The following KCNN3 variants were observed in gnomAD, a reference collection of about 807,000 sequenced individuals.
KCNN3 encodes the protein small conductance calcium-activated potassium channel protein 3.
In KCNN3, 16 loss-of-function variants were observed where a neutral mutation model predicts 62.9. That is an observed-to-expected ratio of 0.25 (90% CI 0.17 to 0.39). The LOEUF (loss-of-function observed/expected upper bound fraction) is 0.39, where lower values mean the gene tolerates loss of function less well. KCNN3 is among the 10% of genes least tolerant of loss of function. KCNN3 has a pLI of 1.00. For missense variants in KCNN3, 599 were observed against 949.4 expected (o/e 0.63, Z 4.85); for synonymous variants, 370 against 389.2 (o/e 0.95, Z 0.58).
In KCNN3 at chr1:154,708,109, AGC is replaced by A; in HGVS notation, c.2061_2062del (p.Gln687HisfsTer25). On this transcript the variant is annotated frameshift_variant, in exon 8 of 8. Coordinates refer to ENST00000271915, the MANE Select transcript of KCNN3 (RefSeq NM_002249.6). LOFTEE classifies it high-confidence loss of function. ...CCGGGCCTCGATGATGGCAGACAGG[AGC>A]TGCTGCTGCTGCTGGCGCAGGGTGT... 6.2e-7 allele frequency: 1 copy of A among 1,613,526 alleles called. No individual in the cohort carries two copies.
intron 2 of KCNN3, among the ~76,000 whole-genome samples, chr1:154,803,976 G>A (rs779378557): frequency 9.9e-5 from 15 of 152,256 alleles, no homozygotes; most frequent in Non-Finnish European, 1.8e-4. Context: ...TTAAGACCCC[G>A]TCTCCCCGTG....
At position 154,725,776 on chromosome 1, in the gene KCNN3, C is replaced by T. The variant is rs1700449662; in HGVS notation, c.1701+140G>A. On this transcript the variant is annotated intron_variant, in intron 5 of 7. Coordinates refer to ENST00000271915, the MANE Select transcript of KCNN3 (RefSeq NM_002249.6). ...GCCAGGATGGTCTTGATCTCCTGACCTTGTGATCGACCCTCCTCAGCCTCC... is the reference window on the plus strand; with the variant it reads ...GCCAGGATGGTCTTGATCTCCTGACTTTGTGATCGACCCTCCTCAGCCTCC... The T allele has an allele frequency of 5.8e-6, 4 of 692,782 alleles. No homozygotes were observed. The Admixed American group carries it at 6.1e-5, about 11-fold the overall frequency. The allele number at this position is 692,782 out of a possible 1,614,324, so 42.9% of individuals were successfully genotyped here.
chr1:154,817,542 T>C (rs1034115345), intron 2 of KCNN3, among the ~76,000 whole-genome samples: 1 of 152,224 alleles, frequency 6.6e-6, no homozygotes, highest in African/African-American at 2.4e-5. Context: ...TAAGAAGGAT[T>C]AAGTAACTTG....
At chr1:154,730,712 T>G (rs1700573666) in intron 4 of KCNN3, among the ~76,000 whole-genome samples, 1 of 151,796 alleles carries the variant, frequency 6.6e-6, no homozygotes, top group Non-Finnish European at 1.5e-5. Context: ...ATGCACAGGG[T>G]TTTGTACAAA....
chr1:154,837,865 G>A (rs2101908482), intron 1 of KCNN3, among the ~76,000 whole-genome samples: 1 of 152,342 alleles, frequency 6.6e-6, no homozygotes, highest in South Asian at 2.1e-4. Flanking sequence ...CCAAGGGGGT[G>A]AACTGTCTCA....
chr1:154,752,059 C>G (rs1159647845), intron 3 of KCNN3, among the ~76,000 whole-genome samples: 2 of 152,130 alleles, frequency 1.3e-5, no homozygotes, highest in Non-Finnish European at 2.9e-5. Context: ...GAGGAAAGTC[C>G]TCCGGGTGTT....
At chr1:154,763,477 A>G (rs990327407) in intron 3 of KCNN3, among the ~76,000 whole-genome samples, 1 of 152,142 alleles carries the variant, frequency 6.6e-6, no homozygotes, top group Non-Finnish European at 1.5e-5. Context: ...CCTAGGCTCA[A>G]GTGATCCTCC....
At chr1:154,741,757 G>A (rs1031046628) in intron 3 of KCNN3, among the ~76,000 whole-genome samples, 1 of 150,210 alleles carries the variant, frequency 6.7e-6, no homozygotes, top group Non-Finnish European at 1.5e-5. Flanking sequence ...TACATGATAT[G>A]ACGGCTCTAG....
chr1:154,809,757 C>T lies in KCNN3; in HGVS notation c.1029+12332G>A, dbSNP rs774988672. The stretch of plus-strand genomic sequence containing the variant: ...GTACAGTTCTCACCTAAAAAGCCAA[C>T]GGTATTAGGAAGGATGGGAGATTGA... On this transcript the variant is annotated intron_variant, in intron 2 of 7. Transcript: ENST00000271915. This position sits in a 1 kb window ranked among gnomAD's most constrained non-coding sequence, Gnocchi z 4.3. Among the ~76,000 whole-genome samples the T allele has an allele frequency of 2.6e-5, 4 of 152,060 alleles. No individual in the cohort carries two copies. Among genetic ancestry groups the T allele is most frequent in the Non-Finnish European group, 5.9e-5 (4 of 68,026 alleles).
chr1:154,824,686 C>T (rs115868148), intron 1 of KCNN3, among the ~76,000 whole-genome samples: 2,637 of 152,272 alleles, frequency 0.017, 67 homozygotes, highest in African/African-American at 0.06. Context: ...CATTTCAGCC[C>T]CTTATTTATT....
chr1:154,707,113 C>T lies in KCNN3; in HGVS notation c.*863G>A, dbSNP rs1021192103. 3 of 152,210 alleles carry T rather than the reference C, an allele frequency of 2.0e-5. No homozygotes were observed. Among genetic ancestry groups the T allele is most frequent in the African/African-American group, 7.2e-5 (3 of 41,456 alleles). The allele number at this position is 152,210 out of a possible 1,614,324, so 9.4% of individuals were successfully genotyped here. On this transcript the variant is annotated 3_prime_UTR_variant, in exon 8 of 8. Transcript: ENST00000271915. ...AATCAAGCAAGGTGCATATCCAGGA[C>T]AAAGCAATGTGCATTATGTCTGAAG...
chr1:154,707,829 G>T lies in KCNN3; in HGVS notation c.*147C>A. 1 of 909,266 alleles carries T rather than the reference G, an allele frequency of 1.1e-6. No homozygotes were observed. The highest frequency in any genetic ancestry group is 1.7e-6 in the Non-Finnish European group (1 of 594,026). The allele number at this position is 909,266 out of a possible 1,614,324, so 56.3% of individuals were successfully genotyped here. A position where few individuals can be genotyped will look rare whatever the true frequency, so the allele number is the denominator to read the frequency against. ...TTTCAAGGCATGTCGGACCAAGCAC[G>T]CTGAATGAACATGAGTTAGTTAATT... On this transcript the variant is annotated 3_prime_UTR_variant, in exon 8 of 8. Coordinates refer to ENST00000271915, the MANE Select transcript of KCNN3 (RefSeq NM_002249.6).
chr1:154,808,778 A>G (rs894243577), intron 2 of KCNN3, among the ~76,000 whole-genome samples: 3 of 152,106 alleles, frequency 2.0e-5, no homozygotes, highest in Non-Finnish European at 4.4e-5. Context: ...TTGCTCTCAA[A>G]TCGATATGGT....
intron 1 of KCNN3, among the ~76,000 whole-genome samples, chr1:154,830,600 C>T (rs1651343764): frequency 6.6e-6 from 1 of 152,214 alleles, no homozygotes; most frequent in Non-Finnish European, 1.5e-5. Flanking sequence ...AGCCAGTGGT[C>T]TCGACACAAA....
intron 2 of KCNN3, among the ~76,000 whole-genome samples, chr1:154,788,797 G>T (rs943498056): frequency 6.6e-6 from 1 of 152,166 alleles, no homozygotes; most frequent in Non-Finnish European, 1.5e-5. Flanking sequence ...CCGGGTGCTA[G>T]TCTCAATGAC....
At chr1:154,771,108 T>TG (rs1557967428) in intron 3 of KCNN3, among the ~76,000 whole-genome samples, 1 of 125,068 alleles carries the variant, frequency 8.0e-6, no homozygotes, top group Non-Finnish European at 1.8e-5. Flanking sequence ...AATAAATAAA[T>TG]AAAATGAAAA....
chr1:154,799,341 T>C (rs1300842311), intron 2 of KCNN3, among the ~76,000 whole-genome samples: 1 of 152,260 alleles, frequency 6.6e-6, no homozygotes, highest in Non-Finnish European at 1.5e-5. Flanking sequence ...TGGGTCATAC[T>C]GTGGGATTAG....
intron 1 of KCNN3, among the ~76,000 whole-genome samples, chr1:154,868,633 G>A (rs949477750): frequency 2.0e-5 from 3 of 152,008 alleles, no homozygotes; most frequent in African/African-American, 7.3e-5. Context: ...TAATTGGTGC[G>A]TTAAGCTGCT....
chr1:154,713,861 T>C (rs1158742818), intron 6 of KCNN3, among the ~76,000 whole-genome samples: 1 of 151,796 alleles, frequency 6.6e-6, no homozygotes, highest in Non-Finnish European at 1.5e-5. Context: ...TCCATCAGAA[T>C]GAATGTTTTC....
Sources: gnomAD v4.1 joint callset for allele counts (sites outside exome capture counted in the v4.1 genomes callset) on GRCh38, gnomAD v4.1.1 for gene constraint, Gnocchi (gnomAD v3.1) non-coding constraint, MANE v1.5 for transcripts, NCBI Gene and HGNC (gene_info 2026-07-23, HGNC 2026-07-21) for gene names.